Variants in DPYD observed in about 807,000 individuals in gnomAD.
DPYD encodes dihydropyrimidine dehydrogenase.
Under a neutral mutation model 116.2 loss-of-function variants are expected in DPYD, and 109 were observed. The ratio of observed to expected loss-of-function variants is 0.94; its 90% CI spans 0.80 to 1.10. The LOEUF (loss-of-function observed/expected upper bound fraction) is 1.10. DPYD is among the 50% of genes least tolerant of loss of function. The probability of loss-of-function intolerance (pLI) is 0.00; values close to 1 mark genes in which losing one functional copy is unlikely to be tolerated. For synonymous variants in DPYD, 440 were observed against 432.0 expected (o/e 1.02, Z -0.23); for missense variants, 1,302 against 1,254.5 (o/e 1.04, Z -0.57).
intron 15 of DPYD, among the ~76,000 whole-genome samples, chr1:97,375,038 A>AAG: frequency 6.6e-6 from 1 of 151,828 alleles, no homozygotes; most frequent in East Asian, 1.9e-4. Context: ...CCAAAAAAAA[A>AAG]AAAAAAAAAA....
At chr1:97,577,077 G>T (rs541975316) in intron 10 of DPYD, among the ~76,000 whole-genome samples, 1 of 152,276 alleles carries the variant, frequency 6.6e-6, no homozygotes, top group South Asian at 2.1e-4. Flanking sequence ...GAAATACTAG[G>T]ACAATGAAAA....
chr1:97,311,583 T>G (rs545689122), intron 16 of DPYD, among the ~76,000 whole-genome samples: 1 of 151,884 alleles, frequency 6.6e-6, no homozygotes, highest in South Asian at 2.1e-4. Context: ...CAGTTTCACA[T>G]GATCTAGGTT....
At chr1:97,504,583 A>G (rs1679773937) in intron 13 of DPYD, among the ~76,000 whole-genome samples, 1 of 151,932 alleles carries the variant, frequency 6.6e-6, no homozygotes, top group Non-Finnish European at 1.5e-5. Context: ...TTCCCAAGTG[A>G]TGGGAAGTAT....
intron 2 of DPYD, among the ~76,000 whole-genome samples, chr1:97,866,704 G>A (rs1671394993): frequency 3.3e-5 from 5 of 151,930 alleles, no homozygotes; most frequent in Admixed American, 3.3e-4. Context: ...AATGTGGTTA[G>A]GAGTAATAAG....
In DPYD at chr1:97,702,223, A is replaced by C. The variant is rs1571215172; in HGVS notation, c.484-2676T>G. On this transcript the variant is annotated intron_variant, in intron 5 of 22. Transcript: ENST00000370192. Reference sequence around the variant, plus strand: ...GAAAGGTTTCACATACTTTTCATAAATATATATTTTATTAGATCATTAATT... The same window carrying C: ...GAAAGGTTTCACATACTTTTCATAACTATATATTTTATTAGATCATTAATT... Among the ~76,000 whole-genome samples the C allele has an allele frequency of 2.0e-5, 3 of 151,472 alleles. No homozygotes were observed. The South Asian group carries it at 6.2e-4, about 31-fold the overall frequency.
chr1:97,359,073 G>T (rs79134772), intron 16 of DPYD, among the ~76,000 whole-genome samples: 15,297 of 151,810 alleles, frequency 0.1, 834 homozygotes, highest in East Asian at 0.19. Flanking sequence ...GAAAAAAGAT[G>T]AGATGAATGG....
At chr1:97,080,380 T>A (rs1436687788) in intron 22 of DPYD, among the ~76,000 whole-genome samples, 1 of 151,992 alleles carries the variant, frequency 6.6e-6, no homozygotes, top group African/African-American at 2.4e-5. Context: ...ATATATATAG[T>A]TGTTTAAAAA....
chr1:97,857,789 C>CT (rs1670921082), intron 2 of DPYD, among the ~76,000 whole-genome samples: 1 of 152,098 alleles, frequency 6.6e-6, no homozygotes, highest in South Asian at 2.1e-4. Context: ...TTGAAGCTAG[C>CT]TGGTCTGAAG....
intron 2 of DPYD, among the ~76,000 whole-genome samples, chr1:97,880,938 A>C (rs147393943): frequency 1.8e-3 from 276 of 152,124 alleles, no homozygotes; most frequent in African/African-American, 6.2e-3. Context: ...ACTGGTTGGA[A>C]TTCAGTGGGA....
intron 18 of DPYD, among the ~76,000 whole-genome samples, chr1:97,287,500 T>A (rs1665782937): frequency 6.6e-6 from 1 of 152,176 alleles, no homozygotes; most frequent in Admixed American, 6.5e-5. Flanking sequence ...GTTACTGCTG[T>A]CTTTTTGTTT....
At chr1:97,590,844 G>T (rs1053790084) in intron 10 of DPYD, among the ~76,000 whole-genome samples, 29 of 152,102 alleles carry the variant, frequency 1.9e-4, no homozygotes, top group Admixed American at 1.7e-3. Context: ...TGCTTCTGAT[G>T]CCACTCCACT....
intron 18 of DPYD, among the ~76,000 whole-genome samples, chr1:97,241,581 T>G (rs1662344577): frequency 1.3e-5 from 2 of 151,996 alleles, no homozygotes; most frequent in Admixed American, 1.3e-4. Flanking sequence ...AAGAACCATC[T>G]CTGGATTATT....
chr1:97,274,601 T>A (rs1188145152), intron 18 of DPYD, among the ~76,000 whole-genome samples: 12 of 152,154 alleles, frequency 7.9e-5, no homozygotes, highest in Non-Finnish European at 1.5e-5. Flanking sequence ...TACAAAATAA[T>A]ATGAACCAAA....
At chr1:97,418,704 A>C (rs1359500374) in intron 14 of DPYD, among the ~76,000 whole-genome samples, 1 of 152,216 alleles carries the variant, frequency 6.6e-6, no homozygotes, top group Non-Finnish European at 1.5e-5. Context: ...AATATACAAC[A>C]GTAGAACATA....
intron 14 of DPYD, among the ~76,000 whole-genome samples, chr1:97,437,844 T>C (rs1010941161): frequency 1.3e-5 from 2 of 151,964 alleles, no homozygotes; most frequent in African/African-American, 4.8e-5. Context: ...CTTCAAAAAG[T>C]TTTATAGTTT....
At chr1:97,451,226 G>A (rs1010991347) in intron 13 of DPYD, among the ~76,000 whole-genome samples, 6 of 151,968 alleles carry the variant, frequency 3.9e-5, no homozygotes, top group East Asian at 3.9e-4. Context: ...ACATTTGGAC[G>A]TTTTTCCAAC....
At chr1:97,681,926 T>C (rs1390768578) in intron 7 of DPYD, among the ~76,000 whole-genome samples, 1 of 152,110 alleles carries the variant, frequency 6.6e-6, no homozygotes, top group Non-Finnish European at 1.5e-5. Flanking sequence ...AAATACTTAA[T>C]CTTAGGTTTA....
At chr1:97,858,291 T>C (rs1670948426) in intron 2 of DPYD, among the ~76,000 whole-genome samples, 1 of 152,170 alleles carries the variant, frequency 6.6e-6, no homozygotes. Context: ...ATTTGATTTG[T>C]AGGCCACGAA....
chr1:97,248,872 A>G lies in DPYD; in HGVS notation c.2300-13878T>C, dbSNP rs565920278. 3.3e-5 allele frequency among the ~76,000 whole-genome samples: 5 copies of G among 152,324 alleles called. No individual in the cohort carries two copies. The East Asian group carries it at 9.6e-4, about 29-fold the overall frequency. On this transcript the variant is annotated intron_variant, in intron 18 of 22. Transcript: ENST00000370192. Reference sequence around the variant, plus strand: ...TTCACAATAGCACCAAAAAGCAACAATAGGAGTACATTTAGAAAAGATATG... The same window carrying G: ...TTCACAATAGCACCAAAAAGCAACAGTAGGAGTACATTTAGAAAAGATATG...
Sources: allele counts gnomAD v4.1 joint callset (sites outside exome capture counted in the v4.1 genomes callset), GRCh38; gene constraint gnomAD v4.1.1; transcripts MANE v1.5; gene names NCBI Gene and HGNC (gene_info 2026-07-23, HGNC 2026-07-21).